Variants in MYLIP observed in about 807,000 individuals in gnomAD.
MYLIP encodes E3 ubiquitin-protein ligase MYLIP.
MYLIP carries 26 observed loss-of-function variants against 45.8 expected under a neutral mutation model. That is an observed-to-expected ratio of 0.57 (90% CI 0.42 to 0.79). MYLIP has a LOEUF of 0.79. Ranked by LOEUF, MYLIP falls within the 30% of genes least tolerant of loss-of-function variation. The pLI is 0.00. For synonymous variants in MYLIP, 213 were observed against 218.1 expected (o/e 0.98, Z 0.21); for missense variants, 494 against 555.6 (o/e 0.89, Z 1.11).
At chr6:16,152,350 C>T (rs780060722), downstream of MYLIP, among the ~76,000 whole-genome samples, 16 of 152,142 alleles carry the variant, frequency 1.1e-4, no homozygotes, top group Non-Finnish European at 1.8e-4. Context: ...TCAGGCTCTC[C>T]GTTAGGGCTA....
At chr6:16,159,319 G>A in the MYLIP span, among the ~76,000 whole-genome samples, 1 of 152,350 alleles carries the variant, frequency 6.6e-6, no homozygotes, top group East Asian at 1.9e-4. Flanking sequence ...GCCCTGGGCA[G>A]TAAAGACAAG....
rs1417836219 is a variant in MYLIP at position 16,129,318 on chromosome 6, C to T, written c.-5C>T. On this transcript the variant is annotated 5_prime_UTR_variant, in exon 1 of 7. Transcript: ENST00000356840. The surrounding 1 kb of genome is among the most constrained non-coding windows in gnomAD (Gnocchi z 5.1). ...GCGGCTGTGGCGGCAGCGGCAGCCC[C>T]AGCCATGCTGTGTTATGTGACGAGG... The T allele has an allele frequency of 4.5e-6, 7 of 1,564,174 alleles. No homozygotes were observed. Among genetic ancestry groups the T allele is most frequent in the South Asian group, 2.3e-5 (2 of 85,112 alleles).
downstream of MYLIP, among the ~76,000 whole-genome samples, chr6:16,151,646 A>T (rs144407865): frequency 2.8e-4 from 42 of 152,372 alleles, no homozygotes; most frequent in African/African-American, 9.4e-4. Flanking sequence ...GATTACTTAT[A>T]TTCATATCTG....
At chr6:16,162,465 T>C in the MYLIP span, among the ~76,000 whole-genome samples, 1 of 152,180 alleles carries the variant, frequency 6.6e-6, no homozygotes, top group Non-Finnish European at 1.5e-5. Flanking sequence ...ATTATATAAA[T>C]ACAGCTTCTG....
chr6:16,130,518 A>G (rs1047675680), intron 1 of MYLIP, 39 bp from the exon 2 acceptor site: 2 of 1,599,242 alleles, frequency 1.3e-6, no homozygotes, highest in Admixed American at 1.7e-5. Flanking sequence ...TTTGATACGT[A>G]CCATTTGCTC....
chr6:16,129,333 A>G lies in MYLIP; in HGVS notation c.11A>G (p.Tyr4Cys). The change falls in exon 1 of 7, where the codon TAT becomes TGT. Residue 4 changes from tyrosine to cysteine, a missense_variant. Transcript: ENST00000356840. This position sits in a 1 kb window ranked among gnomAD's most constrained non-coding sequence, Gnocchi z 5.1. MLCYVTRPDAVLME... is the reference protein window; with the variant it reads MLCCVTRPDAVLME... The stretch of plus-strand genomic sequence containing the variant: ...GCGGCAGCCCCAGCCATGCTGTGTT[A>G]TGTGACGAGGCCGGACGCGGTGCTG... 5 of 1,574,176 alleles carry G rather than the reference A, an allele frequency of 3.2e-6. No homozygotes were observed. The highest frequency in any genetic ancestry group is 3.4e-6 in the Non-Finnish European group (4 of 1,160,370).
the MYLIP span, among the ~76,000 whole-genome samples, chr6:16,156,877 G>A: frequency 0.011 from 1,629 of 152,262 alleles, 35 homozygotes; most frequent in African/African-American, 0.036. Context: ...GTCTTCCTGC[G>A]TATGGACAAG....
downstream of MYLIP, among the ~76,000 whole-genome samples, chr6:16,152,133 C>T (rs534803989): frequency 4.7e-4 from 71 of 152,178 alleles, no homozygotes; most frequent in South Asian, 4.6e-3. Flanking sequence ...AGCCCACAGA[C>T]GAGGAGCAAA....
At chr6:16,152,540 T>C (rs1396020167), downstream of MYLIP, among the ~76,000 whole-genome samples, 1 of 152,154 alleles carries the variant, frequency 6.6e-6, no homozygotes, top group African/African-American at 2.4e-5. Context: ...GCAAAGAATA[T>C]TGACATTTCT....
downstream of MYLIP, among the ~76,000 whole-genome samples, chr6:16,149,430 C>A (rs1007072332): frequency 6.6e-6 from 1 of 152,174 alleles, no homozygotes; most frequent in Non-Finnish European, 1.5e-5. Flanking sequence ...GATAAAGGTG[C>A]TTCATAAAAG....
downstream of MYLIP, among the ~76,000 whole-genome samples, chr6:16,152,122 G>A (rs1759886279): frequency 6.6e-6 from 1 of 152,210 alleles, no homozygotes; most frequent in Non-Finnish European, 1.5e-5. Context: ...GAATGCAAAA[G>A]AGCCCACAGA....
At chr6:16,140,379 T>C (rs943640615) in intron 2 of MYLIP, among the ~76,000 whole-genome samples, 1 of 152,164 alleles carries the variant, frequency 6.6e-6, no homozygotes, top group Non-Finnish European at 1.5e-5. Context: ...ATGTAGAATA[T>C]AGTATTGTAT....
Position 16,129,676 on chromosome 6 carries a change from C to T in MYLIP, c.87+267C>T, listed in dbSNP as rs577850325. 4.1e-4 allele frequency among the ~76,000 whole-genome samples: 62 copies of T among 152,326 alleles called. No individual in the cohort carries two copies. The highest frequency in any genetic ancestry group is 1.4e-3 in the African/African-American group (60 of 41,592). ...GCAGCCGGGATCCACCCCCCAGCGC[C>T]CCATCATCCCCCCAACCCAGCACTT... On this transcript the variant is annotated intron_variant, in intron 1 of 6. Transcript: ENST00000356840. The surrounding 1 kb of genome is among the most constrained non-coding windows in gnomAD (Gnocchi z 5.1).
rs531490250 is a variant in MYLIP, at chr6:16,129,179, G to A, written c.-144G>A. 2.8e-4 allele frequency: 223 copies of A among 804,916 alleles called. 2 individuals carry two copies. The highest frequency in any genetic ancestry group is 1.9e-3 in the South Asian group (105 of 56,144). 49.9% of individuals were successfully genotyped at this position (804,916 alleles called of 1,614,324 possible). ...TGGCGGGGACGCGAGTGGCGGCCGCGGGGCCCCGGACAAGGGTCCGCAGAG... is the reference window on the plus strand; with the variant it reads ...TGGCGGGGACGCGAGTGGCGGCCGCAGGGCCCCGGACAAGGGTCCGCAGAG... On this transcript the variant is annotated 5_prime_UTR_variant, in exon 1 of 7. Transcript: ENST00000356840. The surrounding 1 kb of genome is among the most constrained non-coding windows in gnomAD (Gnocchi z 5.1).
At chr6:16,140,048 C>T (rs565728390) in intron 2 of MYLIP, among the ~76,000 whole-genome samples, 2 of 152,294 alleles carry the variant, frequency 1.3e-5, no homozygotes, top group African/African-American at 2.4e-5. Context: ...CCTCCTTAGT[C>T]GATTCTTACC....
chr6:16,159,602 C>T, the MYLIP span, among the ~76,000 whole-genome samples: 1 of 152,126 alleles, frequency 6.6e-6, no homozygotes, highest in Non-Finnish European at 1.5e-5. Context: ...TCATCAGCAC[C>T]GTCCACCTGC....
intron 2 of MYLIP, among the ~76,000 whole-genome samples, chr6:16,131,029 G>GAAAA (rs11394742): frequency 8.7e-6 from 1 of 115,244 alleles, no homozygotes; most frequent in East Asian, 2.4e-4. Context: ...GCTACCCCAG[G>GAAAA]AAAAAAAAAA....
At chr6:16,161,331 A>G in the MYLIP span, 1 of 290,302 alleles carries the variant, frequency 3.4e-6, no homozygotes, top group Non-Finnish European at 6.8e-6. Flanking sequence ...ATGGGTGCCC[A>G]CAATTATCCT....
intron 2 of MYLIP, among the ~76,000 whole-genome samples, chr6:16,140,076 C>T (rs1759636976): frequency 6.6e-6 from 1 of 152,194 alleles, no homozygotes; most frequent in Non-Finnish European, 1.5e-5. Flanking sequence ...TGTTCCTCTA[C>T]CTGGAATGTC....
Sources: gnomAD v4.1 joint callset for allele counts (sites outside exome capture counted in the v4.1 genomes callset) on GRCh38, gnomAD v4.1.1 for gene constraint, Gnocchi (gnomAD v3.1) non-coding constraint, MANE v1.5 for transcripts, NCBI Gene and HGNC (gene_info 2026-07-23, HGNC 2026-07-21) for gene names.